GRM5: variants seen among roughly 807,000 people sequenced by gnomAD.
GRM5 encodes glutamate metabotropic receptor 5.
In GRM5, 19 loss-of-function variants were observed where a neutral mutation model predicts 83.1. That is an observed-to-expected ratio of 0.23 (90% confidence interval 0.16 to 0.34). The LOEUF is 0.34. Ranked by LOEUF, GRM5 falls within the 10% of genes least tolerant of loss-of-function variation. GRM5 has a pLI of 1.00. For missense variants in GRM5, 1,160 were observed against 1,588.3 expected, an observed-to-expected ratio of 0.73 and a Z score of 4.58; for synonymous variants, 675 against 633.6, an observed-to-expected ratio of 1.07 and a Z score of -0.98.
At chr11:88,886,044 C>A (rs534578365) in intron 2 of GRM5, among the ~76,000 whole-genome samples, 10 of 152,254 alleles carry the variant, frequency 6.6e-5, no homozygotes, top group African/African-American at 1.9e-4. Context: ...AAACATCATA[C>A]CTGATCAAAC....
chr11:88,631,988 T>C (rs1938982698), intron 4 of GRM5, among the ~76,000 whole-genome samples: 1 of 152,144 alleles, frequency 6.6e-6, no homozygotes, highest in African/African-American at 2.4e-5. Context: ...ACAGGTTTAT[T>C]AAAGTACTAT....
chr11:88,741,509 G>C (rs1942028295), intron 3 of GRM5, among the ~76,000 whole-genome samples: 1 of 151,988 alleles, frequency 6.6e-6, no homozygotes, highest in Admixed American at 6.6e-5. Context: ...ACCTATACAT[G>C]GGATTCCTTT....
At chr11:88,721,090 C>T (rs1372346116) in intron 3 of GRM5, among the ~76,000 whole-genome samples, 1 of 151,856 alleles carries the variant, frequency 6.6e-6, no homozygotes, top group Non-Finnish European at 1.5e-5. Flanking sequence ...TCCTTAGGTG[C>T]AAAAATATGG....
At chr11:88,755,582 C>T (rs1202163921) in intron 3 of GRM5, among the ~76,000 whole-genome samples, 1 of 151,968 alleles carries the variant, frequency 6.6e-6, no homozygotes, top group Non-Finnish European at 1.5e-5. Context: ...TCTCTATATC[C>T]ACCCCTGCTA....
chr11:88,821,382 A>AT (rs972148585), intron 3 of GRM5, among the ~76,000 whole-genome samples: 7 of 150,012 alleles, frequency 4.7e-5, no homozygotes, highest in African/African-American at 1.2e-4. Context: ...AAAAAAAAAA[A>AT]GCAGGGGGCA....
chr11:88,924,843 T>C (rs1316332243), intron 2 of GRM5, among the ~76,000 whole-genome samples: 1 of 152,046 alleles, frequency 6.6e-6, no homozygotes, highest in East Asian at 1.9e-4. Flanking sequence ...ATAAGTCACC[T>C]ATGGAAAGTG....
intron 3 of GRM5, among the ~76,000 whole-genome samples, chr11:88,730,275 CTCA>C (rs1941778029): frequency 6.6e-6 from 1 of 152,132 alleles, no homozygotes; most frequent in African/African-American, 2.4e-5. Flanking sequence ...ATAAAAAAAG[CTCA>C]TCATCACTGG....
intron 2 of GRM5, among the ~76,000 whole-genome samples, chr11:89,033,707 A>G (rs1265797576): frequency 6.6e-6 from 1 of 151,922 alleles, no homozygotes; most frequent in Non-Finnish European, 1.5e-5. Context: ...AAAAATTTCC[A>G]GCCAAACATA....
intron 4 of GRM5, among the ~76,000 whole-genome samples, chr11:88,607,401 A>G (rs75077461): frequency 6.6e-6 from 1 of 152,262 alleles, no homozygotes; most frequent in Non-Finnish European, 1.5e-5. Context: ...ATCTACTTCT[A>G]CCAGACTCAG....
intron 3 of GRM5, among the ~76,000 whole-genome samples, chr11:88,682,305 G>A (rs1384390435): frequency 2.6e-5 from 4 of 152,198 alleles, no homozygotes; most frequent in African/African-American, 9.7e-5. Flanking sequence ...GGCAGGGCCT[G>A]TGAGATGTAA....
At position 88,597,196 on chromosome 11, in the gene GRM5, T is replaced by G; in HGVS notation, c.1551A>C (p.Lys517Asn). The G allele has an allele frequency of 6.4e-7, 1 of 1,571,234 alleles. No individual in the cohort carries two copies. The highest frequency in any genetic ancestry group is 1.9e-5 in the Admixed American group (1 of 51,912). Residue 517 changes from lysine to asparagine, a missense_variant, in exon 6 of 10, where the codon AAA (lysine) becomes AAC (asparagine). By Grantham distance (94) the Lys-to-Asn change is moderately conservative (BLOSUM62 0). Coordinates refer to ENST00000305447, the MANE Select transcript of GRM5 (RefSeq NM_001143831.3). ...IRSVCSEPCEKGQIKVIRKGE... is the reference protein window; with the variant it reads ...IRSVCSEPCENGQIKVIRKGE... ...GATTCCATTTTACCTTGATCTGGCC[T>G]TTCTCACATGGTTCACTGCACACAG...
intron 2 of GRM5, among the ~76,000 whole-genome samples, chr11:88,977,210 T>A (rs1212235534): frequency 1.2e-4 from 17 of 147,676 alleles, no homozygotes; most frequent in Non-Finnish European, 2.0e-4. Context: ...ATTATATTAT[T>A]TTATTTTATT....
intron 2 of GRM5, among the ~76,000 whole-genome samples, chr11:88,911,597 C>A (rs1370535333): frequency 6.6e-6 from 1 of 152,126 alleles, no homozygotes; most frequent in Non-Finnish European, 1.5e-5. Flanking sequence ...TTAGGGTTCA[C>A]AGACTTTGTT....
intron 3 of GRM5, among the ~76,000 whole-genome samples, chr11:88,775,394 T>C (rs1316504187): frequency 6.6e-6 from 1 of 152,208 alleles, no homozygotes; most frequent in Non-Finnish European, 1.5e-5. Context: ...AACCGGCTCC[T>C]GCATTCATTG....
At chr11:88,778,308 G>GA (rs1254609911) in intron 3 of GRM5, among the ~76,000 whole-genome samples, 1 of 152,230 alleles carries the variant, frequency 6.6e-6, no homozygotes, top group African/African-American at 2.4e-5. Context: ...AAGACCTTGG[G>GA]AAAAGCACAG....
intron 2 of GRM5, among the ~76,000 whole-genome samples, chr11:88,883,849 A>G (rs1229187412): frequency 3.9e-5 from 6 of 152,132 alleles, no homozygotes. Flanking sequence ...TGGTGTTGGG[A>G]CTGTGGGTGC....
At chr11:88,852,945 C>T (rs1406275791) in intron 2 of GRM5, among the ~76,000 whole-genome samples, 1 of 151,952 alleles carries the variant, frequency 6.6e-6, no homozygotes, top group Non-Finnish European at 1.5e-5. Flanking sequence ...AAAAATAGAA[C>T]ACATTTCAAG....
At chr11:89,058,141 G>A (rs1941915487) in intron 1 of GRM5, among the ~76,000 whole-genome samples, 1 of 152,160 alleles carries the variant, frequency 6.6e-6, no homozygotes, top group Admixed American at 6.5e-5. Context: ...AAGCATTTTG[G>A]AGATTCTGCT....
At chr11:88,649,277 A>ATATATGTAATACATATATATTATATAT (rs1311808815) in intron 4 of GRM5, among the ~76,000 whole-genome samples, 8 of 18,868 alleles carry the variant, frequency 4.2e-4, no homozygotes, top group East Asian at 1.2e-3. Flanking sequence ...ATTATATATT[A>ATATATGTAATACATATATATTATATAT]TATATATGTA....
Sources: allele counts gnomAD v4.1 joint callset (sites outside exome capture counted in the v4.1 genomes callset), GRCh38; gene constraint gnomAD v4.1.1; transcripts MANE v1.5; gene names NCBI Gene and HGNC (gene_info 2026-07-23, HGNC 2026-07-21).